Variants in KCNAB1 observed in about 807,000 individuals in gnomAD.
KCNAB1 encodes the protein voltage-gated potassium channel subunit beta-1.
In KCNAB1, 35 loss-of-function variants were observed where a neutral mutation model predicts 64.6. The ratio of observed to expected loss-of-function variants is 0.54; its 90% CI spans 0.41 to 0.72. The LOEUF (loss-of-function observed/expected upper bound fraction) is 0.72. KCNAB1 is among the 30% of genes least tolerant of loss of function. The pLI, the probability that KCNAB1 is intolerant of heterozygous loss-of-function variation, is 0.00. For synonymous variants in KCNAB1, 177 were observed against 183.8 expected (o/e 0.96, Z 0.30); for missense variants, 401 against 512.9 (o/e 0.78, Z 2.11).
chr3:156,240,475 T>C (rs1475224830), intron 1 of KCNAB1, among the ~76,000 whole-genome samples: 2 of 152,186 alleles, frequency 1.3e-5, no homozygotes, highest in Non-Finnish European at 2.9e-5. Context: ...TTCTCCTGAC[T>C]CCCTCTCCAC....
intron 11 of KCNAB1, among the ~76,000 whole-genome samples, chr3:156,520,452 C>T (rs949133201): frequency 6.6e-6 from 1 of 152,116 alleles, no homozygotes; most frequent in Non-Finnish European, 1.5e-5. Flanking sequence ...ATCATGCTCA[C>T]CTGTAGTCCC....
chr3:156,118,717 A>T (rs772079247), upstream of KCNAB1, among the ~76,000 whole-genome samples: 23 of 152,238 alleles, frequency 1.5e-4, no homozygotes, highest in Admixed American at 3.9e-4. Context: ...AGCCAAGGAC[A>T]TTGGGAAGCC....
intron 1 of KCNAB1, among the ~76,000 whole-genome samples, chr3:156,336,998 C>T (rs369645434): frequency 7.9e-5 from 12 of 152,280 alleles, no homozygotes; most frequent in East Asian, 5.8e-4. Context: ...AAGAATTGGT[C>T]GGCAAGTAAA....
At chr3:156,443,780 ACT>A (rs1491363876) in intron 2 of KCNAB1, among the ~76,000 whole-genome samples, 2 of 141,568 alleles carry the variant, frequency 1.4e-5, no homozygotes, top group Non-Finnish European at 3.1e-5. Flanking sequence ...ACACACACAC[ACT>A]ATTCTTTACT....
chr3:156,350,808 C>A (rs991159935), intron 1 of KCNAB1, among the ~76,000 whole-genome samples: 1 of 152,234 alleles, frequency 6.6e-6, no homozygotes, highest in Non-Finnish European at 1.5e-5. Flanking sequence ...TCACAAAATT[C>A]TGGTTAATCA....
intron 1 of KCNAB1, among the ~76,000 whole-genome samples, chr3:156,148,139 C>G (rs1715166374): frequency 6.6e-6 from 1 of 152,164 alleles, no homozygotes; most frequent in African/African-American, 2.4e-5. Context: ...TGAGTCTCTA[C>G]TCATCATTAG....
chr3:156,513,676 G>A (rs924699133), intron 8 of KCNAB1, among the ~76,000 whole-genome samples: 4 of 152,200 alleles, frequency 2.6e-5, no homozygotes, highest in African/African-American at 9.6e-5. Context: ...GTGATGTCGA[G>A]CTCCATGAGG....
intron 2 of KCNAB1, among the ~76,000 whole-genome samples, chr3:156,429,479 G>C (rs1716060937): frequency 6.6e-6 from 1 of 152,180 alleles, no homozygotes; most frequent in Non-Finnish European, 1.5e-5. Flanking sequence ...CCCTAACCAA[G>C]AGAACTTTCT....
chr3:156,264,498 A>G (rs1280700962), intron 1 of KCNAB1, among the ~76,000 whole-genome samples: 2 of 151,998 alleles, frequency 1.3e-5, no homozygotes, highest in East Asian at 3.8e-4. Context: ...ACATATTTTA[A>G]TTAGCTTGTT....
chr3:156,270,342 G>A (rs1311514842), intron 1 of KCNAB1, among the ~76,000 whole-genome samples: 2 of 151,602 alleles, frequency 1.3e-5, no homozygotes, highest in Admixed American at 6.6e-5. Flanking sequence ...TTTTCTAGTG[G>A]TTTTGTGGTC....
intron 1 of KCNAB1, among the ~76,000 whole-genome samples, chr3:156,369,005 T>G (rs924570692): frequency 7.4e-5 from 11 of 148,022 alleles, no homozygotes; most frequent in African/African-American, 2.7e-4. Context: ...GTACAACTTG[T>G]TAGTTTTTCA....
intron 1 of KCNAB1, among the ~76,000 whole-genome samples, chr3:156,313,660 C>T (rs770663357): frequency 1.3e-5 from 2 of 152,184 alleles, no homozygotes; most frequent in Admixed American, 6.5e-5. Context: ...GAATCAACCC[C>T]GTCTGCATCT....
intron 5 of KCNAB1, among the ~76,000 whole-genome samples, chr3:156,462,182 G>A (rs1712963800): frequency 6.6e-6 from 1 of 152,168 alleles, no homozygotes; most frequent in African/African-American, 2.4e-5. Context: ...AGCCTCTGTG[G>A]GAGTCAGTGA....
At chr3:156,311,957 C>T (rs1180695649) in intron 1 of KCNAB1, among the ~76,000 whole-genome samples, 1 of 152,182 alleles carries the variant, frequency 6.6e-6, no homozygotes, top group Non-Finnish European at 1.5e-5. Context: ...GCTGCATGTC[C>T]CTACCTGGGC....
At chr3:156,350,925 G>T (rs554212690) in intron 1 of KCNAB1, among the ~76,000 whole-genome samples, 2 of 152,266 alleles carry the variant, frequency 1.3e-5, no homozygotes, top group Non-Finnish European at 2.9e-5. Flanking sequence ...TGCAGGGAGT[G>T]TGAGAGCAGG....
chr3:156,212,318 A>C (rs1576609984), intron 1 of KCNAB1, among the ~76,000 whole-genome samples: 2 of 152,294 alleles, frequency 1.3e-5, no homozygotes, highest in Admixed American at 1.3e-4. Flanking sequence ...AAAACTTGAA[A>C]ATCCTCAAAG....
Position 156,346,401 on chromosome 3 carries a change from C to T in KCNAB1, c.276-75215C>T, listed in dbSNP as rs558128455. On this transcript the variant is annotated intron_variant, in intron 1 of 13. Coordinates refer to ENST00000490337, the MANE Select transcript of KCNAB1 (RefSeq NM_172160.3). Reference sequence around the variant, plus strand: ...GTATTGATGAATATGTGGTCTATGACAAGTATGGTAAAATGAAAGTCCACA... The same window carrying T: ...GTATTGATGAATATGTGGTCTATGATAAGTATGGTAAAATGAAAGTCCACA... Among the ~76,000 whole-genome samples, 7 of 152,146 alleles carry T rather than the reference C, an allele frequency of 4.6e-5. No individual in the cohort carries two copies. The East Asian group carries it at 1.4e-3, about 29-fold the overall frequency.
chr3:156,512,511 C>A (rs964609519), intron 8 of KCNAB1, among the ~76,000 whole-genome samples: 6 of 152,206 alleles, frequency 3.9e-5, no homozygotes, highest in Non-Finnish European at 5.9e-5. Flanking sequence ...ACAGCAGACA[C>A]CTAGTAGATA....
chr3:156,186,370 C>T (rs1713191386), intron 1 of KCNAB1, among the ~76,000 whole-genome samples: 1 of 152,080 alleles, frequency 6.6e-6, no homozygotes, highest in Admixed American at 6.6e-5. Flanking sequence ...TATTCCTTTC[C>T]ACCTCTGTAG....
Sources: gnomAD v4.1 joint callset for allele counts (sites outside exome capture counted in the v4.1 genomes callset) on GRCh38, gnomAD v4.1.1 for gene constraint, MANE v1.5 for transcripts, NCBI Gene and HGNC (gene_info 2026-07-23, HGNC 2026-07-21) for gene names.